The following ANKFN1 variants were observed in gnomAD, a reference collection of about 807,000 sequenced individuals.
ANKFN1 encodes ankyrin repeat and fibronectin type-III domain-containing protein 1.
ANKFN1 carries 74 observed loss-of-function variants against 108.7 expected under a neutral mutation model. The observed-to-expected ratio is 0.68, with a 90% confidence interval of 0.56 to 0.83. ANKFN1 has a LOEUF of 0.83. Ranked by LOEUF, ANKFN1 falls within the 40% of genes least tolerant of loss-of-function variation. The pLI is 0.00. For missense variants in ANKFN1, 1,505 were observed against 1,382.3 expected, an observed-to-expected ratio of 1.09 and a Z score of -1.41; for synonymous variants, 547 against 516.2, an observed-to-expected ratio of 1.06 and a Z score of -0.81.
chr17:56,333,858 G>T (rs2045731944), intron 4 of ANKFN1, among the ~76,000 whole-genome samples: 1 of 151,888 alleles, frequency 6.6e-6, no homozygotes, highest in Admixed American at 6.6e-5. Flanking sequence ...CCCATAAAAG[G>T]TGGTCTCCTA....
At chr17:56,112,790 T>C (rs1438878235) in intron 4 of ANKFN1, among the ~76,000 whole-genome samples, 1 of 152,220 alleles carries the variant, frequency 6.6e-6, no homozygotes, top group African/African-American at 2.4e-5. Flanking sequence ...TGTTCCATTC[T>C]ATAGATTGCA....
Position 56,510,680 on chromosome 17 carries a change from C to G in ANKFN1, c.2852C>G (p.Pro951Arg), listed in dbSNP as rs565093389. The change falls in exon 21 of 21, where the codon CCG becomes CGG. Residue 951 changes from proline (P) to arginine (R), a missense_variant. Coordinates refer to ENST00000682825, the MANE Select transcript of ANKFN1 (RefSeq NM_001370326.1). The part of the protein sequence containing the change: ...QVHDVKTPLG[P>R]GQDPQGEGPN... ...CACGACGTGAAAACCCCTCTGGGGC[C>G]GGGCCAGGATCCCCAGGGCGAGGGC... is the stretch of plus-strand genomic sequence containing the variant. 9.1e-6 allele frequency: 14 copies of G among 1,536,050 alleles called. No homozygotes were observed. In the South Asian group the frequency reaches 1.5e-4, roughly 17 times the overall value.
chr17:56,249,536 A>T (rs1047392391), intron 3 of ANKFN1, among the ~76,000 whole-genome samples: 2 of 152,182 alleles, frequency 1.3e-5, no homozygotes, highest in South Asian at 2.1e-4. Flanking sequence ...TGATAAACTC[A>T]TTTGAAACTC....
At chr17:56,137,735 T>C (rs1018828773) in intron 4 of ANKFN1, among the ~76,000 whole-genome samples, 1 of 152,168 alleles carries the variant, frequency 6.6e-6, no homozygotes, top group Non-Finnish European at 1.5e-5. Flanking sequence ...ATAGGATACC[T>C]AGCCAGATAG....
At chr17:56,167,282 TATATACACACACATAC>T (rs1910224591) in intron 1 of ANKFN1, among the ~76,000 whole-genome samples, 1 of 124,854 alleles carries the variant, frequency 8.0e-6, no homozygotes, top group Non-Finnish European at 1.6e-5. Context: ...TACATATATA[TATATACACACACATAC>T]ATATATACAC....
chr17:56,162,311 C>A (rs529955864), intron 1 of ANKFN1, among the ~76,000 whole-genome samples: 1 of 152,162 alleles, frequency 6.6e-6, no homozygotes. Context: ...CTTCAGCAAC[C>A]GAAATTTATT....
intron 14 of ANKFN1, 52 bp downstream of exon 14, chr17:56,458,031 G>T: frequency 1.4e-6 from 2 of 1,479,372 alleles, no homozygotes; most frequent in Non-Finnish European, 1.9e-6. Flanking sequence ...TTTTAATGTA[G>T]AAAATTCAGT....
chr17:56,092,187 G>C (rs778547277), intron 4 of ANKFN1, among the ~76,000 whole-genome samples: 2 of 151,050 alleles, frequency 1.3e-5, no homozygotes, highest in Non-Finnish European at 3.0e-5. Context: ...CATCTGCCTA[G>C]AGGAACCAGT....
At chr17:56,436,824 C>G (rs372185599) in intron 8 of ANKFN1, among the ~76,000 whole-genome samples, 3 of 143,372 alleles carry the variant, frequency 2.1e-5, no homozygotes, top group Admixed American at 7.2e-5. Flanking sequence ...GCAACAAGAG[C>G]GAAACTCCAT....
At chr17:56,302,841 A>G (rs935948762) in intron 3 of ANKFN1, among the ~76,000 whole-genome samples, 2 of 152,354 alleles carry the variant, frequency 1.3e-5, no homozygotes, top group Admixed American at 1.3e-4. Context: ...TTCTGTGTCA[A>G]GTAATACATA....
chr17:56,230,794 C>T (rs930406980), intron 3 of ANKFN1, among the ~76,000 whole-genome samples: 3 of 151,940 alleles, frequency 2.0e-5, no homozygotes, highest in Non-Finnish European at 2.9e-5. Flanking sequence ...GTGTTCCTTT[C>T]GATTTTTGGC....
intron 15 of ANKFN1, among the ~76,000 whole-genome samples, chr17:56,475,666 A>G (rs986814865): frequency 2.6e-5 from 4 of 152,168 alleles, no homozygotes; most frequent in African/African-American, 9.7e-5. Flanking sequence ...GTACAAAGTG[A>G]TGTTTTGATA....
chr17:56,289,707 T>C (rs978699418), intron 3 of ANKFN1, among the ~76,000 whole-genome samples: 54 of 152,230 alleles, frequency 3.5e-4, no homozygotes, highest in Non-Finnish European at 7.3e-5. Flanking sequence ...TCACTGTTTA[T>C]AAAGGAAGCC....
intron 3 of ANKFN1, among the ~76,000 whole-genome samples, chr17:56,251,638 C>T (rs561933614): frequency 1.3e-5 from 2 of 152,306 alleles, no homozygotes; most frequent in Admixed American, 6.5e-5. Context: ...CACCTCAGAA[C>T]TGCACAGTGT....
At chr17:56,206,347 A>G (rs886923960) in intron 1 of ANKFN1, 1 of 152,112 alleles carries the variant, frequency 6.6e-6, no homozygotes, top group African/African-American at 2.4e-5. Flanking sequence ...TCCCCTCCCC[A>G]TGGCCCATGA....
chr17:56,385,729 A>G (rs1210872681), intron 8 of ANKFN1, among the ~76,000 whole-genome samples: 1 of 152,252 alleles, frequency 6.6e-6, no homozygotes, highest in Admixed American at 6.5e-5. Context: ...AATGCTCACC[A>G]TCACTGGCCA....
Position 56,442,838 on chromosome 17 carries a change from T to C in ANKFN1, c.1009-5T>C, listed in dbSNP as rs16957230. On this transcript the variant is annotated splice_region_variant and splice_polypyrimidine_tract_variant and intron_variant, in intron 9 of 20. Coordinates refer to ENST00000682825, the MANE Select transcript of ANKFN1 (RefSeq NM_001370326.1). ...TGCCTGATGCATCATTTCAATACTT[T>C]GCAGGGCCAACAGTATTTTGTTCAA... is the stretch of plus-strand genomic sequence containing the variant. 23,238 of 1,613,450 alleles carry C rather than the reference T, an allele frequency of 0.014. 2,911 individuals carry two copies. In the African/African-American group the frequency reaches 0.27, roughly 19 times the overall value.
rs564342933 is a variant in ANKFN1 at position 56,257,992 on chromosome 17, G to A, written c.53+30035G>A. 3.9e-5 allele frequency: 6 copies of A among 152,278 alleles called. No individual in the cohort carries two copies. The East Asian group carries it at 5.8e-4, about 15-fold the overall frequency. 9.4% of individuals were successfully genotyped at this position (152,278 alleles called of 1,614,324 possible). ...CCACTTAGAATATGAGAAAGATCTCGACACTAACACCAGCTTCTTCAGCAG... is the reference window on the plus strand; with the variant it reads ...CCACTTAGAATATGAGAAAGATCTCAACACTAACACCAGCTTCTTCAGCAG... On this transcript the variant is annotated intron_variant, in intron 3 of 20. Coordinates refer to ENST00000682825, the MANE Select transcript of ANKFN1 (RefSeq NM_001370326.1).
At chr17:56,102,630 CTTT>C (rs10569994) in intron 4 of ANKFN1, among the ~76,000 whole-genome samples, 60 of 149,360 alleles carry the variant, frequency 4.0e-4, no homozygotes, top group African/African-American at 8.8e-4. Context: ...CCTTCCTAGC[CTTT>C]TTTTTTTTTC....
Sources: gnomAD v4.1 joint callset for allele counts (sites outside exome capture counted in the v4.1 genomes callset) on GRCh38, gnomAD v4.1.1 for gene constraint, MANE v1.5 for transcripts, NCBI Gene and HGNC (gene_info 2026-07-23, HGNC 2026-07-21) for gene names.